The following FPR3 variants were observed in gnomAD, a reference collection of about 807,000 sequenced individuals.
The protein encoded by FPR3 is N-formyl peptide receptor 3.
For synonymous variants in FPR3, 135 were observed against 163.6 expected (o/e 0.83, Z 1.34); for missense variants, 346 against 443.2 (o/e 0.78, Z 1.97).
chr19:51,817,540 C>T (rs998316139), intron 1 of FPR3: 3 of 150,528 alleles, frequency 2.0e-5, no homozygotes, highest in Admixed American at 2.0e-4. Flanking sequence ...ATTATTGTTT[C>T]CCTATTCCCA....
intron 1 of FPR3, among the ~76,000 whole-genome samples, chr19:51,807,127 C>A (rs926339570): frequency 1.3e-5 from 2 of 152,138 alleles, no homozygotes; most frequent in Non-Finnish European, 2.9e-5. Flanking sequence ...TTGGAAGAAG[C>A]GGTCAGGGGG....
intron 1 of FPR3, among the ~76,000 whole-genome samples, chr19:51,815,983 C>A (rs2084133567): frequency 6.6e-6 from 1 of 151,852 alleles, no homozygotes. Context: ...GGGAGGATCA[C>A]TTGAGCCCAG....
chr19:51,811,143 T>C (rs11878589), intron 1 of FPR3, among the ~76,000 whole-genome samples: 74,197 of 151,990 alleles, frequency 0.49, 18,876 homozygotes, highest in African/African-American at 0.65. Context: ...AAGTACAGTA[T>C]GAACTAAACT....
Position 51,824,509 on chromosome 19 carries a change from G to C in FPR3, c.761G>C (p.Trp254Ser), listed in dbSNP as rs1251596705. The C allele has an allele frequency of 6.2e-7, 1 of 1,613,942 alleles. No individual in the cohort carries two copies. Among genetic ancestry groups the C allele is most frequent in the Non-Finnish European group, 8.5e-7 (1 of 1,179,962 alleles). ...AAVVASFFICWFPYELIGILM... is the reference protein window; with the variant it reads ...AAVVASFFICSFPYELIGILM... ...GTGGTGGCTTCTTTCTTCATCTGTT[G>C]GTTCCCTTATGAACTAATTGGCATT... The change falls in exon 2 of 2, where the codon TGG (tryptophan) becomes TCG (serine). Residue 254 changes from tryptophan (W) to serine (S), a missense_variant. By Grantham distance (177) the Trp-to-Ser change is radical. Transcript: ENST00000339223. The surrounding 1 kb of genome is among the most constrained non-coding windows in gnomAD (Gnocchi z 4.7).
chr19:51,824,987 G>T lies in FPR3; in HGVS notation c.*177G>T. The T allele has an allele frequency of 1.7e-6, 1 of 599,140 alleles. No homozygotes were observed. Among genetic ancestry groups the T allele is most frequent in the Non-Finnish European group, 3.0e-6 (1 of 332,288 alleles). 37.1% of individuals were successfully genotyped at this position (599,140 alleles called of 1,614,324 possible). A position where few individuals can be genotyped will look rare whatever the true frequency, so the allele number is the denominator to read the frequency against. ...CACAACCAAGCAATAGACACCAGCT[G>T]GGTGTCCTACAATTAAATTCCAACA... On this transcript the variant is annotated 3_prime_UTR_variant, in exon 2 of 2. Transcript: ENST00000339223. The surrounding 1 kb of genome is among the most constrained non-coding windows in gnomAD (Gnocchi z 4.7).
chr19:51,823,986 T>C lies in FPR3; in HGVS notation c.238T>C (p.Phe80Leu), dbSNP rs1205192450. The C allele has an allele frequency of 1.2e-6, 2 of 1,613,978 alleles. No individual in the cohort carries two copies. Among genetic ancestry groups the C allele is most frequent in the Non-Finnish European group, 1.7e-6 (2 of 1,179,986 alleles). Reference protein sequence around the residue: ...ADFSFSAILPFRMVSVAMREK... With the variant: ...ADFSFSAILPLRMVSVAMREK... ...CTTCTCTTTCAGTGCCATCCTACCATTCCGAATGGTCTCAGTCGCCATGAG... is the reference window on the plus strand; with the variant it reads ...CTTCTCTTTCAGTGCCATCCTACCACTCCGAATGGTCTCAGTCGCCATGAG... Residue 80 changes from phenylalanine to leucine, a missense_variant, in exon 2 of 2, where the codon TTC becomes CTC. Physicochemically the swap from Phe to Leu is conservative, Grantham distance 22. Transcript: ENST00000339223.
At position 51,796,039 on chromosome 19, in the gene FPR3, G is replaced by C. The variant is rs16983063; in HGVS notation, c.-11+708G>C. On this transcript the variant is annotated intron_variant, in intron 1 of 1. Transcript: ENST00000339223. Reference sequence around the variant, plus strand: ...GTACTAGTGTGGAGGGTATTTAAGAGAGAAGATAAATGAACAAACAAATAA... The same window carrying C: ...GTACTAGTGTGGAGGGTATTTAAGACAGAAGATAAATGAACAAACAAATAA... 7.1e-3 allele frequency among the ~76,000 whole-genome samples: 1,078 copies of C among 152,290 alleles called. 11 individuals carry two copies. Among genetic ancestry groups the C allele is most frequent in the African/African-American group, 0.025 (1,025 of 41,554 alleles).
At chr19:51,818,375 G>A (rs563854517) in intron 1 of FPR3, among the ~76,000 whole-genome samples, 3 of 152,214 alleles carry the variant, frequency 2.0e-5, no homozygotes, top group East Asian at 1.9e-4. Context: ...ACACAAACAC[G>A]GCCCGTGTTT....
At chr19:51,815,600 G>C (rs1290741010) in intron 1 of FPR3, among the ~76,000 whole-genome samples, 2 of 151,772 alleles carry the variant, frequency 1.3e-5, no homozygotes, top group African/African-American at 4.8e-5. Flanking sequence ...AGGCACGGTG[G>C]CTCACACTTG....
intron 1 of FPR3, among the ~76,000 whole-genome samples, chr19:51,821,401 G>C (rs574495888): frequency 6.6e-6 from 1 of 152,290 alleles, no homozygotes; most frequent in East Asian, 1.9e-4. Flanking sequence ...CCTGAAGGGG[G>C]AGTTGCTACT....
intron 1 of FPR3, among the ~76,000 whole-genome samples, chr19:51,809,270 G>A (rs1392407365): frequency 1.3e-5 from 2 of 152,210 alleles, no homozygotes; most frequent in Non-Finnish European, 2.9e-5. Flanking sequence ...AAATCTCAGT[G>A]CTCTGTTGAA....
intron 1 of FPR3, among the ~76,000 whole-genome samples, chr19:51,798,110 A>C (rs1402791636): frequency 6.6e-6 from 1 of 151,984 alleles, no homozygotes; most frequent in Non-Finnish European, 1.5e-5. Context: ...GATGTCACTG[A>C]TCAAGAATTT....
At chr19:51,805,576 G>A (rs1956538161) in intron 1 of FPR3, among the ~76,000 whole-genome samples, 1 of 152,162 alleles carries the variant, frequency 6.6e-6, no homozygotes, top group Non-Finnish European at 1.5e-5. Flanking sequence ...CAGCGCAATT[G>A]CCGCTGCAAC....
chr19:51,806,790 TATGAGA>T (rs1165588957), intron 1 of FPR3, among the ~76,000 whole-genome samples: 6 of 152,232 alleles, frequency 3.9e-5, no homozygotes, highest in African/African-American at 1.4e-4. Flanking sequence ...CCATGCAGCA[TATGAGA>T]ATAAGTGAAA....
intron 1 of FPR3, chr19:51,805,041 G>T (rs2084049150): frequency 2.0e-5 from 3 of 152,158 alleles, no homozygotes; most frequent in South Asian, 2.1e-4. Flanking sequence ...AAACCTTCTG[G>T]CGGCAGGCAC....
chr19:51,804,944 C>T (rs1398195561), intron 1 of FPR3: 1 of 152,116 alleles, frequency 6.6e-6, no homozygotes, highest in Non-Finnish European at 1.5e-5. Context: ...GTTGGTTGGT[C>T]CAGAGTAGGC....
chr19:51,823,903 G>C lies in FPR3; in HGVS notation c.155G>C (p.Gly52Ala), dbSNP rs2084210057. 1 of 1,613,996 alleles carries C rather than the reference G, an allele frequency of 6.2e-7. No homozygotes were observed. The highest frequency in any genetic ancestry group is 8.5e-7 in the Non-Finnish European group (1 of 1,180,010). Residue 52 changes from glycine (G) to alanine (A), a missense_variant, in exon 2 of 2, where the codon GGA (glycine) becomes GCA (alanine). Transcript: ENST00000339223. ...AATGGGCTTGTGATCTGGGTGGCTG[G>C]ATTCCGGATGACACGCACAGTCAAC... ...LGNGLVIWVAGFRMTRTVNTI... is the reference protein window; with the variant it reads ...LGNGLVIWVAAFRMTRTVNTI...
intron 1 of FPR3, among the ~76,000 whole-genome samples, chr19:51,819,381 A>G (rs1167274234): frequency 6.6e-6 from 1 of 152,200 alleles, no homozygotes; most frequent in Non-Finnish European, 1.5e-5. Flanking sequence ...AGAATGTGGG[A>G]CACCCTAAAT....
At chr19:51,805,554 T>C (rs759739535) in intron 1 of FPR3, among the ~76,000 whole-genome samples, 2 of 152,208 alleles carry the variant, frequency 1.3e-5, no homozygotes, top group African/African-American at 2.4e-5. Flanking sequence ...AATACGAGTG[T>C]GATTAAAATG....
Sources: gnomAD v4.1 joint callset for allele counts (sites outside exome capture counted in the v4.1 genomes callset) on GRCh38, gnomAD v4.1.1 for gene constraint, Gnocchi (gnomAD v3.1) non-coding constraint, MANE v1.5 for transcripts, NCBI Gene and HGNC (gene_info 2026-07-23, HGNC 2026-07-21) for gene names.